Variants in DOCK1 observed in about 807,000 individuals in gnomAD.
The protein encoded by DOCK1 is dedicator of cytokinesis protein 1.
A neutral mutation model predicts 262.7 loss-of-function variants in DOCK1; 138 were observed. That is an observed-to-expected ratio of 0.53 (90% CI 0.46 to 0.61). The LOEUF is 0.61. DOCK1 is among the 20% of genes least tolerant of loss of function. DOCK1 has a pLI of 0.00. For synonymous variants in DOCK1, 866 were observed against 867.4 expected (o/e 1.00, Z 0.03); for missense variants, 1,908 against 2,370.7 (o/e 0.80, Z 4.05).
intron 10 of DOCK1, among the ~76,000 whole-genome samples, chr10:127,007,755 A>G (rs1006982102): frequency 6.6e-6 from 1 of 152,220 alleles, no homozygotes; most frequent in Non-Finnish European, 1.5e-5. Context: ...GTTTAATAGG[A>G]TTGAAAGAGC....
At chr10:127,105,243 A>G (rs1002322200) in intron 23 of DOCK1, among the ~76,000 whole-genome samples, 2 of 152,170 alleles carry the variant, frequency 1.3e-5, no homozygotes, top group Non-Finnish European at 2.9e-5. Flanking sequence ...TCTTTCCTTT[A>G]TAAATTACCC....
chr10:126,940,455 G>A (rs996971036), intron 1 of DOCK1, among the ~76,000 whole-genome samples: 152 of 152,314 alleles, frequency 1.0e-3, no homozygotes, highest in African/African-American at 3.4e-3. Context: ...CCAGGCTGGA[G>A]TGTAGTGGTA....
chr10:126,992,364 T>C (rs2039851883), intron 6 of DOCK1, among the ~76,000 whole-genome samples: 1 of 152,204 alleles, frequency 6.6e-6, no homozygotes. Context: ...TACAGTTTAC[T>C]ACTTTGATAG....
chr10:127,165,679 G>A (rs1201398554), intron 27 of DOCK1, among the ~76,000 whole-genome samples: 10 of 152,126 alleles, frequency 6.6e-5, no homozygotes, highest in Non-Finnish European at 1.3e-4. Flanking sequence ...GGCATGTGAC[G>A]GTCCTCTGAA....
intron 16 of DOCK1, among the ~76,000 whole-genome samples, chr10:127,028,919 G>A (rs2135505237): frequency 6.6e-6 from 1 of 152,314 alleles, no homozygotes; most frequent in Admixed American, 6.5e-5. Flanking sequence ...ATATCACCTT[G>A]AGGCCCACGG....
chr10:127,306,155 C>T (rs1463420850), intron 29 of DOCK1, among the ~76,000 whole-genome samples: 4 of 151,964 alleles, frequency 2.6e-5, no homozygotes, highest in South Asian at 2.1e-4. Flanking sequence ...GCTGGGATTA[C>T]GGGTGCCCAA....
chr10:127,196,395 C>T (rs1350188103), intron 27 of DOCK1, among the ~76,000 whole-genome samples: 1 of 148,730 alleles, frequency 6.7e-6, no homozygotes, highest in Non-Finnish European at 1.5e-5. Flanking sequence ...TCCTCATTTA[C>T]TGCAATTGTC....
At chr10:127,109,312 CAA>C (rs1292764745) in intron 24 of DOCK1, among the ~76,000 whole-genome samples, 3 of 152,184 alleles carry the variant, frequency 2.0e-5, no homozygotes, top group East Asian at 1.9e-4. Flanking sequence ...TAGTTACTAA[CAA>C]GAGCTCTTCT....
At chr10:126,949,222 G>T (rs999770846) in intron 1 of DOCK1, among the ~76,000 whole-genome samples, 29 of 152,094 alleles carry the variant, frequency 1.9e-4, no homozygotes, top group African/African-American at 5.3e-4. Flanking sequence ...GGGACATGGG[G>T]TTAACACACC....
At position 127,446,274 on chromosome 10, in the gene DOCK1, AAG is replaced by A. The variant is rs1491023529; in HGVS notation, c.5414-1118_5414-1117del. 3.3e-5 allele frequency among the ~76,000 whole-genome samples: 5 copies of A among 151,856 alleles called. No homozygotes were observed. Among genetic ancestry groups the A allele is most frequent in the African/African-American group, 4.8e-5 (2 of 41,362 alleles). ...CAAACAAAAAGAAAAGAAAAAAAAA[AAG>A]AAAGTAGAATAGAGGATACTAGGGG... On this transcript the variant is annotated intron_variant, in intron 50 of 51. Coordinates refer to ENST00000623213, the MANE Select transcript of DOCK1 (RefSeq NM_001290223.2). This position sits in a 1 kb window ranked among gnomAD's most constrained non-coding sequence, Gnocchi z 4.4.
At chr10:127,196,488 A>G (rs2057161243) in intron 27 of DOCK1, among the ~76,000 whole-genome samples, 1 of 148,162 alleles carries the variant, frequency 6.7e-6, no homozygotes, top group Non-Finnish European at 1.5e-5. Flanking sequence ...CCGCTGCTCC[A>G]GGTCCCAGCT....
intron 25 of DOCK1, among the ~76,000 whole-genome samples, chr10:127,118,006 A>G (rs2049298648): frequency 6.6e-6 from 1 of 152,144 alleles, no homozygotes; most frequent in Non-Finnish European, 1.5e-5. Context: ...GCAACACAAT[A>G]TAGGGTTTTG....
chr10:127,275,661 G>C (rs1243668164), intron 29 of DOCK1, among the ~76,000 whole-genome samples: 1 of 152,138 alleles, frequency 6.6e-6, no homozygotes, highest in African/African-American at 2.4e-5. Context: ...TAGATGAAAG[G>C]GATGGTACAG....
intron 29 of DOCK1, among the ~76,000 whole-genome samples, chr10:127,308,267 T>C (rs1224904855): frequency 6.6e-6 from 1 of 152,218 alleles, no homozygotes; most frequent in East Asian, 1.9e-4. Context: ...ACCAGTCCCT[T>C]CAGTGTGGGG....
intron 27 of DOCK1, among the ~76,000 whole-genome samples, chr10:127,195,159 G>T (rs2057020348): frequency 6.6e-6 from 1 of 152,226 alleles, no homozygotes; most frequent in Admixed American, 6.5e-5. Flanking sequence ...TATCCAAGCA[G>T]TGGGGACATC....
chr10:127,148,653 C>T (rs532911053), intron 27 of DOCK1, among the ~76,000 whole-genome samples: 64 of 152,032 alleles, frequency 4.2e-4, no homozygotes, highest in African/African-American at 1.2e-3. Context: ...CAGATTAGTC[C>T]GACAAAAGAA....
At chr10:127,297,079 A>ACCTCCT (rs2061529049) in intron 29 of DOCK1, among the ~76,000 whole-genome samples, 1 of 151,930 alleles carries the variant, frequency 6.6e-6, no homozygotes, top group African/African-American at 2.4e-5. Context: ...TGTGCAGAGG[A>ACCTCCT]GGGGTGGGAG....
At chr10:127,206,325 G>A (rs1589942397) in intron 27 of DOCK1, among the ~76,000 whole-genome samples, 1 of 151,894 alleles carries the variant, frequency 6.6e-6, no homozygotes, top group East Asian at 1.9e-4. Context: ...TGTATTTTTA[G>A]TAGAGACAGG....
intron 33 of DOCK1, among the ~76,000 whole-genome samples, chr10:127,366,411 G>A (rs575322093): frequency 2.6e-5 from 4 of 152,058 alleles, no homozygotes; most frequent in South Asian, 4.2e-4. Flanking sequence ...TTCCGGCTGC[G>A]GGTCATGCTG....
Sources: allele counts gnomAD v4.1 joint callset (sites outside exome capture counted in the v4.1 genomes callset), GRCh38; gene constraint gnomAD v4.1.1; non-coding constraint Gnocchi (gnomAD v3.1); transcripts MANE v1.5; gene names NCBI Gene and HGNC (gene_info 2026-07-23, HGNC 2026-07-21).